The following HIVEP3 variants were observed in gnomAD, a reference collection of about 807,000 sequenced individuals.
HIVEP3 encodes HIVEP zinc finger 3, also known as transcription factor HIVEP3.
Under a neutral mutation model 152.8 loss-of-function variants are expected in HIVEP3, and 49 were observed. The observed-to-expected ratio is 0.32, with a 90% confidence interval of 0.26 to 0.41. The LOEUF (loss-of-function observed/expected upper bound fraction) is 0.41, where lower values mean the gene tolerates loss of function less well. Ranked by LOEUF, HIVEP3 falls within the 10% of genes least tolerant of loss-of-function variation. The probability of loss-of-function intolerance (pLI) is 1.00; values close to 1 mark genes in which losing one functional copy is unlikely to be tolerated. For missense variants in HIVEP3, 2,790 were observed against 3,103.3 expected (o/e 0.90, Z 2.40); for synonymous variants, 1,269 against 1,289.0 (o/e 0.98, Z 0.33).
chr1:41,973,219 C>A (rs1273142997), intron 1 of HIVEP3, among the ~76,000 whole-genome samples: 1 of 152,204 alleles, frequency 6.6e-6, no homozygotes, highest in African/African-American at 2.4e-5. Context: ...CCCAACAACA[C>A]ACATTTATTA....
Position 41,580,409 on chromosome 1 carries a change from C to T in HIVEP3, c.4389G>A (p.Glu1463=), listed in dbSNP as rs2149104123. The change falls in exon 4 of 9, where the codon GAG becomes GAA. Residue 1463 remains glutamate, a synonymous_variant. Transcript: ENST00000372583. ...EEASKADEKL[E]LVKPCSVVLT... ...GGACCACACTGCATGGTTTTACCAG[C>T]TCAAGTTTTTCATCTGCCTTGGAAG... The T allele has an allele frequency of 1.2e-6, 2 of 1,614,166 alleles. No individual in the cohort carries two copies. Among genetic ancestry groups the T allele is most frequent in the African/African-American group, 1.3e-5 (1 of 75,036 alleles).
chr1:41,519,314 A>G (rs968949639), intron 6 of HIVEP3, among the ~76,000 whole-genome samples: 2 of 152,198 alleles, frequency 1.3e-5, no homozygotes, highest in African/African-American at 4.8e-5. Flanking sequence ...CAAGCTGAAG[A>G]GTGGAGGCAG....
chr1:41,524,989 C>T, intron 5 of HIVEP3, 79 bp from the exon 6 acceptor site: 1 of 1,327,670 alleles, frequency 7.5e-7, no homozygotes, highest in African/African-American at 1.4e-5. Context: ...GCACGCGCTT[C>T]CTAGATTCAT....
rs1184823372 is a variant in HIVEP3 at position 41,998,887 on chromosome 1, C to CTTTTTTTTTTTTTT, written n.119+36919_119+36920insAAAAAAAAAAAAAA. Reference sequence around the variant, plus strand: ...GCTGGTTTTTAATACTTTTCTCTCTCTCTTTTTTTTTTTTTTTTTTTTTTT... The same window carrying CTTTTTTTTTTTTTT: ...GCTGGTTTTTAATACTTTTCTCTCTCTTTTTTTTTTTTTTTCTTTTTTTTTTTTTTTTTTTTTTT... On this transcript the variant is annotated intron_variant and non_coding_transcript_variant, in intron 1 of 3. Transcript: ENST00000489103. 3.4e-4 allele frequency among the ~76,000 whole-genome samples: 26 copies of CTTTTTTTTTTTTTT among 77,306 alleles called. 3 individuals are homozygous for CTTTTTTTTTTTTTT. The highest frequency in any genetic ancestry group is 6.3e-4 in the East Asian group (1 of 1,592). 50.7% of individuals were successfully genotyped at this position (77,306 alleles called of 152,430 possible).
intron 6 of HIVEP3, among the ~76,000 whole-genome samples, chr1:41,519,988 G>A (rs1025808814): frequency 7.2e-5 from 11 of 152,176 alleles, no homozygotes; most frequent in Admixed American, 2.6e-4. Context: ...ACATGCATGA[G>A]AGTACAGACA....
chr1:41,838,310 TC>T (rs2124365667), intron 1 of HIVEP3, among the ~76,000 whole-genome samples: 1 of 152,236 alleles, frequency 6.6e-6, no homozygotes, highest in South Asian at 2.1e-4. Flanking sequence ...CGCACAAGGA[TC>T]CCTCATACTG....
intron 1 of HIVEP3, among the ~76,000 whole-genome samples, chr1:41,739,027 C>T (rs1018755901): frequency 6.6e-6 from 1 of 152,220 alleles, no homozygotes; most frequent in East Asian, 1.9e-4. Context: ...TCACAGTCAC[C>T]GGAAGGCTGA....
At chr1:41,838,162 T>C (rs1423364878) in intron 1 of HIVEP3, among the ~76,000 whole-genome samples, 4 of 152,162 alleles carry the variant, frequency 2.6e-5, no homozygotes, top group African/African-American at 9.7e-5. Context: ...CACAGAGTTG[T>C]AAAAAATAAT....
At chr1:41,629,493 C>T (rs1645163000) in intron 2 of HIVEP3, among the ~76,000 whole-genome samples, 1 of 152,200 alleles carries the variant, frequency 6.6e-6, no homozygotes, top group Non-Finnish European at 1.5e-5. Flanking sequence ...AGACAACCTA[C>T]AGAATGGGAG....
intron 3 of HIVEP3, among the ~76,000 whole-genome samples, chr1:41,593,444 T>C (rs1270257601): frequency 1.3e-5 from 2 of 152,244 alleles, no homozygotes; most frequent in Non-Finnish European, 2.9e-5. Flanking sequence ...GATATGAAGG[T>C]TGTTTCCAGC....
chr1:41,652,883 A>T (rs1478135686), intron 2 of HIVEP3, among the ~76,000 whole-genome samples: 1 of 152,178 alleles, frequency 6.6e-6, no homozygotes, highest in Non-Finnish European at 1.5e-5. Context: ...TCTGGGTTAC[A>T]AACCCACCAT....
intron 1 of HIVEP3, among the ~76,000 whole-genome samples, chr1:42,031,275 T>C (rs567555559): frequency 6.6e-6 from 1 of 152,348 alleles, no homozygotes; most frequent in South Asian, 2.1e-4. Flanking sequence ...AACCCAGTTA[T>C]TGAAATACCT....
Position 41,845,432 on chromosome 1 carries a change from C to T in HIVEP3, c.-801+72981G>A, listed in dbSNP as rs1191284564. Reference sequence around the variant, plus strand: ...ACACACACACACGCACACACACACACACACACACACACACACACACACACA... The same window carrying T: ...ACACACACACACGCACACACACACATACACACACACACACACACACACACA... On this transcript the variant is annotated intron_variant, in intron 1 of 8. Transcript: ENST00000372583. Among the ~76,000 whole-genome samples the T allele has an allele frequency of 2.0e-5, 3 of 150,574 alleles. No homozygotes were observed. In the East Asian group the frequency reaches 5.9e-4, roughly 29 times the overall value.
intron 1 of HIVEP3, among the ~76,000 whole-genome samples, chr1:41,829,064 C>T (rs928412776): frequency 3.3e-5 from 5 of 152,118 alleles, no homozygotes; most frequent in Non-Finnish European, 7.4e-5. Context: ...CCCTCTCCCA[C>T]CCCACCCCTA....
intron 1 of HIVEP3, among the ~76,000 whole-genome samples, chr1:42,008,838 G>A (rs1449924898): frequency 6.6e-6 from 1 of 152,186 alleles, no homozygotes; most frequent in Admixed American, 6.5e-5. Flanking sequence ...TGTGTCCACA[G>A]GCAGTGGTCT....
chr1:41,616,730 G>C (rs1644974409), intron 3 of HIVEP3, among the ~76,000 whole-genome samples: 3 of 149,948 alleles, frequency 2.0e-5, no homozygotes, highest in African/African-American at 7.4e-5. Flanking sequence ...TCAGATTACA[G>C]GCTTGTGCTA....
intron 1 of HIVEP3, among the ~76,000 whole-genome samples, chr1:42,027,007 A>G (rs1386805222): frequency 1.3e-5 from 2 of 152,136 alleles, no homozygotes; most frequent in African/African-American, 4.8e-5. Context: ...CAGTCTTTAC[A>G]TGTATTTTGA....
chr1:41,816,662 G>GTTT (rs1651287234), intron 1 of HIVEP3, among the ~76,000 whole-genome samples: 2 of 152,194 alleles, frequency 1.3e-5, no homozygotes, highest in Non-Finnish European at 2.9e-5. Context: ...CTGGGCAACA[G>GTTT]AAGGAGACTT....
Position 41,569,492 on chromosome 1 carries a change from AG to A in HIVEP3, c.5207+6051del, listed in dbSNP as rs948094238. Among the ~76,000 whole-genome samples the A allele has an allele frequency of 4.3e-4, 65 of 152,316 alleles. 1 individual carries two copies. The highest frequency in any genetic ancestry group is 1.5e-3 in the African/African-American group (63 of 41,568). On this transcript the variant is annotated intron_variant, in intron 5 of 8. Coordinates refer to ENST00000372583, the MANE Select transcript of HIVEP3 (RefSeq NM_024503.5). ...AATTTGTTCCCCAATAAATACACAG[AG>A]GTAACACATATTCCCAAAGACATAA...
Sources: gnomAD v4.1 joint callset for allele counts (sites outside exome capture counted in the v4.1 genomes callset) on GRCh38, gnomAD v4.1.1 for gene constraint, MANE v1.5 for transcripts, NCBI Gene and HGNC (gene_info 2026-07-23, HGNC 2026-07-21) for gene names.